The following FAM13A variants were observed in gnomAD, a reference collection of about 807,000 sequenced individuals.
FAM13A encodes protein FAM13A.
FAM13A carries 76 observed loss-of-function variants against 129.6 expected under a neutral mutation model. That is an observed-to-expected ratio of 0.59 (90% CI 0.49 to 0.71). The LOEUF is 0.71. FAM13A is among the 30% of genes least tolerant of loss of function. The pLI is 0.00. For synonymous variants in FAM13A, 443 were observed against 449.9 expected (o/e 0.98, Z 0.20); for missense variants, 1,108 against 1,249.3 (o/e 0.89, Z 1.70).
rs577513106 is a variant in FAM13A at position 88,943,896 on chromosome 4, A to AT, written c.606-5656dup. On this transcript the variant is annotated intron_variant, in intron 4 of 23. Transcript: ENST00000264344. ...CTTTGTTTTTCAGACTGAAGGACAC[A>AT]TTTTTTTTCTCTCTCTTTTAAACTA... 1.1e-4 allele frequency among the ~76,000 whole-genome samples: 17 copies of AT among 152,000 alleles called. No individual in the cohort carries two copies. In the East Asian group the frequency reaches 1.3e-3, roughly 12 times the overall value.
At chr4:88,936,936 T>C (rs1176568759) in intron 5 of FAM13A, 4 of 152,190 alleles carry the variant, frequency 2.6e-5, no homozygotes, top group Admixed American at 1.3e-4. Context: ...CAAAGTACCA[T>C]AGGCACTAGA....
chr4:89,045,705 G>T (rs546885954), intron 1 of FAM13A, among the ~76,000 whole-genome samples: 21 of 152,224 alleles, frequency 1.4e-4, no homozygotes, highest in African/African-American at 4.1e-4. Flanking sequence ...AGTATAAAAG[G>T]CTTACAAAAT....
At chr4:88,837,411 C>G (rs1447370319) in intron 7 of FAM13A, among the ~76,000 whole-genome samples, 1 of 151,084 alleles carries the variant, frequency 6.6e-6, no homozygotes, top group Admixed American at 6.6e-5. Flanking sequence ...TTCTCAGTAA[C>G]GTTTAAGAAT....
At chr4:88,731,618 C>G in intron 22 of FAM13A, 190 bp from the exon 23 acceptor site, 1 of 556,434 alleles carries the variant, frequency 1.8e-6, no homozygotes, top group Non-Finnish European at 3.2e-6. Context: ...GGCAACAGAT[C>G]CAGCTTCTGG....
intron 1 of FAM13A, among the ~76,000 whole-genome samples, chr4:89,053,358 T>C (rs1342479860): frequency 6.6e-6 from 1 of 152,176 alleles, no homozygotes; most frequent in Non-Finnish European, 1.5e-5. Context: ...TAACACAGAA[T>C]TCAGGGAGTG....
chr4:89,048,647 G>A (rs17820272), intron 1 of FAM13A, among the ~76,000 whole-genome samples: 4,292 of 152,198 alleles, frequency 0.028, 86 homozygotes, highest in Non-Finnish European at 0.04. Context: ...GTAACTTCCC[G>A]TCAAAATAAG....
intron 11 of FAM13A, among the ~76,000 whole-genome samples, chr4:88,779,806 G>C (rs896800589): frequency 1.3e-5 from 2 of 152,090 alleles, no homozygotes; most frequent in African/African-American, 4.8e-5. Context: ...ACTAACTGAA[G>C]ACACTATTCC....
intron 3 of FAM13A, among the ~76,000 whole-genome samples, chr4:88,999,656 CAT>C (rs1337687329): frequency 6.6e-6 from 1 of 152,112 alleles, no homozygotes; most frequent in Non-Finnish European, 1.5e-5. Context: ...GATTTGGTGC[CAT>C]ATGAGTTAAA....
At chr4:88,894,071 A>G (rs1745875011) in intron 6 of FAM13A, among the ~76,000 whole-genome samples, 1 of 152,192 alleles carries the variant, frequency 6.6e-6, no homozygotes, top group African/African-American at 2.4e-5. Context: ...AAAAACTCCT[A>G]TTACCAAGGA....
At chr4:88,765,663 A>G (rs2149535796) in intron 13 of FAM13A, among the ~76,000 whole-genome samples, 1 of 152,366 alleles carries the variant, frequency 6.6e-6, no homozygotes, top group East Asian at 1.9e-4. Context: ...ATAACAAAAT[A>G]AATTTCCTTC....
chr4:88,862,489 C>A (rs1739652017), intron 6 of FAM13A, among the ~76,000 whole-genome samples: 1 of 152,116 alleles, frequency 6.6e-6, no homozygotes. Flanking sequence ...AGGGTTTGAC[C>A]TTTATTTGCT....
At chr4:88,757,174 T>C (rs1743828765) in intron 14 of FAM13A, among the ~76,000 whole-genome samples, 1 of 152,200 alleles carries the variant, frequency 6.6e-6, no homozygotes, top group African/African-American at 2.4e-5. Flanking sequence ...TCAGTCACTC[T>C]GAAGAGTATT....
intron 1 of FAM13A, among the ~76,000 whole-genome samples, chr4:89,050,263 G>A (rs1241785746): frequency 6.6e-6 from 1 of 151,884 alleles, no homozygotes; most frequent in African/African-American, 2.4e-5. Flanking sequence ...CCATGCTGGA[G>A]TGCAGTGGTA....
chr4:89,036,954 G>C (rs568933417), intron 1 of FAM13A, among the ~76,000 whole-genome samples: 1 of 152,362 alleles, frequency 6.6e-6, no homozygotes, highest in East Asian at 1.9e-4. Flanking sequence ...AGGATGTATT[G>C]AAACTCCTGA....
intron 15 of FAM13A, 25 bp from the exon 16 acceptor site, chr4:88,749,934 G>A: frequency 6.2e-7 from 1 of 1,610,964 alleles, no homozygotes; most frequent in South Asian, 1.1e-5. Flanking sequence ...ACTTGGGTCA[G>A]TTTCCCCAGG....
chr4:88,837,444 G>A (rs1003683992), intron 7 of FAM13A, among the ~76,000 whole-genome samples: 2 of 151,058 alleles, frequency 1.3e-5, no homozygotes, highest in Middle Eastern at 3.4e-3. Flanking sequence ...TGCCGGGCAC[G>A]GTGGCTCACG....
At chr4:88,999,150 A>T (rs929684553) in intron 3 of FAM13A, among the ~76,000 whole-genome samples, 1 of 152,282 alleles carries the variant, frequency 6.6e-6, no homozygotes, top group Non-Finnish European at 1.5e-5. Context: ...TGCAGGAAGA[A>T]CAAAGAATTA....
At chr4:89,037,603 T>C (rs1769557339) in intron 1 of FAM13A, among the ~76,000 whole-genome samples, 1 of 152,210 alleles carries the variant, frequency 6.6e-6, no homozygotes, top group Non-Finnish European at 1.5e-5. Flanking sequence ...TGATTGTATT[T>C]TGCAATGTTA....
At chr4:88,904,612 G>A (rs191666266) in intron 6 of FAM13A, among the ~76,000 whole-genome samples, 14 of 152,084 alleles carry the variant, frequency 9.2e-5, no homozygotes, top group African/African-American at 3.1e-4. Flanking sequence ...ACTGGGACCC[G>A]TCAGTGGGGT....
Sources: allele counts gnomAD v4.1 joint callset (sites outside exome capture counted in the v4.1 genomes callset), GRCh38; gene constraint gnomAD v4.1.1; transcripts MANE v1.5; gene names NCBI Gene and HGNC (gene_info 2026-07-23, HGNC 2026-07-21).